Variants in PRKCB observed in about 807,000 individuals in gnomAD.
PRKCB encodes the protein protein kinase C beta type.
Under a neutral mutation model 81.5 loss-of-function variants are expected in PRKCB, and 13 were observed. That is an observed-to-expected ratio of 0.16 (90% CI 0.10 to 0.25). The LOEUF (loss-of-function observed/expected upper bound fraction) is 0.25, where lower values mean the gene tolerates loss of function less well. PRKCB is among the 10% of genes least tolerant of loss of function. The pLI is 1.00. For synonymous variants in PRKCB, 335 were observed against 321.4 expected, an observed-to-expected ratio of 1.04 and a Z score of -0.45; for missense variants, 509 against 875.7, an observed-to-expected ratio of 0.58 and a Z score of 5.29.
At position 23,839,582 on chromosome 16, in the gene PRKCB, A is replaced by G. The variant is rs551485481; in HGVS notation, c.205+2176A>G. Among the ~76,000 whole-genome samples the G allele has an allele frequency of 9.9e-5, 15 of 151,078 alleles. No individual in the cohort carries two copies. In the Middle Eastern group the frequency reaches 0.01, roughly 103 times the overall value. On this transcript the variant is annotated intron_variant, in intron 2 of 16. Coordinates refer to ENST00000643927, the MANE Select transcript of PRKCB (RefSeq NM_002738.7). ...GCCACTATGCCCCTCTGGAGTGTCT[A>G]TTTTTTAAATTGCCTTTCTTTTTCT...
chr16:23,901,582 A>G (rs7193673), intron 2 of PRKCB, among the ~76,000 whole-genome samples: 142,574 of 152,200 alleles, frequency 0.94, 66,839 homozygotes, highest in East Asian at 1. Flanking sequence ...AGATTTCTCC[A>G]GCCCATCTCT....
rs764633636 is a variant in PRKCB at position 24,220,137 on chromosome 16, G to A, written c.*5321G>A. On this transcript the variant is annotated 3_prime_UTR_variant, in exon 17 of 17. Transcript: ENST00000643927. ...AGGTGAATGCAAACTCCATCGTTGA[G>A]CCTGGGGTGTAAGACTTCAAGCCAA... is the stretch of plus-strand genomic sequence containing the variant. The A allele has an allele frequency of 1.2e-6, 2 of 1,613,460 alleles. No individual in the cohort carries two copies. Among genetic ancestry groups the A allele is most frequent in the Non-Finnish European group, 1.7e-6 (2 of 1,179,638 alleles).
intron 5 of PRKCB, among the ~76,000 whole-genome samples, chr16:24,049,519 C>A (rs920001577): frequency 1.3e-5 from 2 of 150,620 alleles, no homozygotes; most frequent in African/African-American, 4.9e-5. Context: ...CCTGGCACAA[C>A]CGGGACATGC....
At chr16:23,878,405 C>T (rs751695638) in intron 2 of PRKCB, among the ~76,000 whole-genome samples, 2 of 152,190 alleles carry the variant, frequency 1.3e-5, no homozygotes, top group Non-Finnish European at 2.9e-5. Context: ...ATATAACACA[C>T]GCATGACACA....
intron 7 of PRKCB, among the ~76,000 whole-genome samples, chr16:24,100,764 T>C (rs1966496628): frequency 6.6e-6 from 1 of 152,104 alleles, no homozygotes. Context: ...ATAAACACAG[T>C]GCCAGCCAAG....
intron 10 of PRKCB, among the ~76,000 whole-genome samples, chr16:24,159,384 C>A (rs1163696976): frequency 6.6e-6 from 1 of 152,124 alleles, no homozygotes; most frequent in Non-Finnish European, 1.5e-5. Context: ...ACCAAAATGG[C>A]CTTGACAATG....
intron 3 of PRKCB, among the ~76,000 whole-genome samples, chr16:24,030,327 T>C (rs2141853347): frequency 6.6e-6 from 1 of 152,180 alleles, no homozygotes; most frequent in Middle Eastern, 3.4e-3. Flanking sequence ...GGGCATGGTC[T>C]GTTTGGGAGC....
intron 16 of PRKCB, among the ~76,000 whole-genome samples, chr16:24,194,059 G>T (rs1268904140): frequency 6.6e-6 from 1 of 152,144 alleles, no homozygotes; most frequent in Non-Finnish European, 1.5e-5. Context: ...GGGTATAGTG[G>T]CTCACACCCG....
intron 9 of PRKCB, among the ~76,000 whole-genome samples, chr16:24,137,535 CA>C: frequency 6.6e-6 from 1 of 152,094 alleles, no homozygotes. Flanking sequence ...AAAAATATCG[CA>C]AAGATAAATC....
Position 24,185,574 on chromosome 16 carries a change from G to T in PRKCB, c.1722+7G>T. The T allele has an allele frequency of 6.2e-7, 1 of 1,607,556 alleles. No homozygotes were observed. Among genetic ancestry groups the T allele is most frequent in the Non-Finnish European group, 8.5e-7 (1 of 1,173,988 alleles). On this transcript the variant is annotated splice_region_variant and intron_variant, in intron 15 of 16. Coordinates refer to ENST00000643927, the MANE Select transcript of PRKCB (RefSeq NM_002738.7). ...TGTGGCCATCTGCAAAGGGGTAAGTGCATCTCTTAAAGCTGTGACCAGGAC... is the reference window on the plus strand; with the variant it reads ...TGTGGCCATCTGCAAAGGGGTAAGTTCATCTCTTAAAGCTGTGACCAGGAC...
intron 5 of PRKCB, among the ~76,000 whole-genome samples, chr16:24,065,257 T>C (rs186183385): frequency 8.0e-4 from 121 of 151,824 alleles, no homozygotes; most frequent in Non-Finnish European, 6.6e-4. Flanking sequence ...TTTTCGTTTG[T>C]CCCATGTGTT....
intron 9 of PRKCB, among the ~76,000 whole-genome samples, chr16:24,126,407 T>A (rs1282860945): frequency 1.3e-5 from 2 of 152,196 alleles, no homozygotes; most frequent in African/African-American, 4.8e-5. Context: ...TTTTTTCTTT[T>A]TGAGATAGAG....
chr16:23,946,494 A>G (rs1488814602), intron 2 of PRKCB, among the ~76,000 whole-genome samples: 1 of 152,180 alleles, frequency 6.6e-6, no homozygotes, highest in Non-Finnish European at 1.5e-5. Context: ...CAGTTTCCTC[A>G]TCTGTAAAAT....
At chr16:23,968,570 C>T (rs1005475644) in intron 2 of PRKCB, among the ~76,000 whole-genome samples, 2 of 152,162 alleles carry the variant, frequency 1.3e-5, no homozygotes, top group East Asian at 1.9e-4. Flanking sequence ...CTTCACCTCT[C>T]CCATTGCCTG....
At chr16:23,937,382 G>A (rs920230863) in intron 2 of PRKCB, among the ~76,000 whole-genome samples, 40 of 152,210 alleles carry the variant, frequency 2.6e-4, no homozygotes, top group African/African-American at 9.4e-4. Context: ...GACAAAGTCT[G>A]CGACTGCCAT....
At chr16:24,212,509 A>G (rs1007856576) in intron 16 of PRKCB, among the ~76,000 whole-genome samples, 29 of 121,880 alleles carry the variant, frequency 2.4e-4, no homozygotes, top group African/African-American at 7.8e-4. Flanking sequence ...TCAAGGTCTC[A>G]ATCACTGCCC....
At chr16:24,009,816 A>G (rs2141836562) in intron 3 of PRKCB, among the ~76,000 whole-genome samples, 1 of 152,030 alleles carries the variant, frequency 6.6e-6, no homozygotes, top group South Asian at 2.1e-4. Flanking sequence ...GGAGTTTGAG[A>G]CCAGCCTGAC....
At chr16:24,116,620 A>G (rs9930851) in intron 8 of PRKCB, among the ~76,000 whole-genome samples, 1 of 152,096 alleles carries the variant, frequency 6.6e-6, no homozygotes, top group Non-Finnish European at 1.5e-5. Flanking sequence ...AAAGTCTTGG[A>G]CTCAAGCCCA....
chr16:24,107,564 G>A (rs1033541334), intron 7 of PRKCB, among the ~76,000 whole-genome samples: 1 of 152,172 alleles, frequency 6.6e-6, no homozygotes, highest in South Asian at 2.1e-4. Flanking sequence ...TCTTCCTCAC[G>A]TTGGTTCTGT....
Sources: allele counts gnomAD v4.1 joint callset (sites outside exome capture counted in the v4.1 genomes callset), GRCh38; gene constraint gnomAD v4.1.1; transcripts MANE v1.5; gene names NCBI Gene and HGNC (gene_info 2026-07-23, HGNC 2026-07-21).